Variants in AP2A1 observed in about 807,000 individuals in gnomAD.
AP2A1 encodes adaptor related protein complex 2 subunit alpha 1, also known as AP-2 complex subunit alpha-1.
A neutral mutation model predicts 107.3 loss-of-function variants in AP2A1; 21 were observed. That is an observed-to-expected ratio of 0.20 (90% CI 0.14 to 0.28). The LOEUF is 0.28. AP2A1 is among the 10% of genes least tolerant of loss of function. The pLI is 1.00. For missense variants in AP2A1, 873 were observed against 1,307.7 expected, an observed-to-expected ratio of 0.67 and a Z score of 5.13; for synonymous variants, 602 against 564.8, an observed-to-expected ratio of 1.07 and a Z score of -0.93.
At position 49,795,476 on chromosome 19, in the gene AP2A1, G is replaced by A. The variant is rs185595385; in HGVS notation, c.706-154G>A. Among the ~76,000 whole-genome samples, 122 of 152,220 alleles carry A rather than the reference G, an allele frequency of 8.0e-4. No homozygotes were observed. In the East Asian group the frequency reaches 0.016, roughly 20 times the overall value. The stretch of plus-strand genomic sequence containing the variant: ...GTTCGAGACCAGCCTGGGCAACATA[G>A]TGAGACCCTGTCTCTACAAAAAAAA... On this transcript the variant is annotated intron_variant, in intron 6 of 22. Coordinates refer to ENST00000354293, the MANE Select transcript of AP2A1 (RefSeq NM_130787.3).
At position 49,785,343 on chromosome 19, in the gene AP2A1, C is replaced by T. The variant is rs1463324105; in HGVS notation, c.473+2619C>T. The stretch of plus-strand genomic sequence containing the variant: ...GGCGGTCATGTGGTTATGAGAAGGG[C>T]ATGTTTCGGGAGTAGAGTCGATGGA... On this transcript the variant is annotated intron_variant, in intron 4 of 22. Coordinates refer to ENST00000354293, the MANE Select transcript of AP2A1 (RefSeq NM_130787.3). This position sits in a 1 kb window ranked among gnomAD's most constrained non-coding sequence, Gnocchi z 4.1. Among the ~76,000 whole-genome samples, 1 of 152,000 alleles carries T rather than the reference C, an allele frequency of 6.6e-6. No individual in the cohort carries two copies. The highest frequency in any genetic ancestry group is 1.5e-5 in the Non-Finnish European group (1 of 67,998).
Position 49,787,513 on chromosome 19 carries a change from A to AT in AP2A1, c.474-4406dup, listed in dbSNP as rs370766749. Among the ~76,000 whole-genome samples, 683 of 129,026 alleles carry AT rather than the reference A, an allele frequency of 5.3e-3. 5 individuals are homozygous for AT. The highest frequency in any genetic ancestry group is 0.016 in the African/African-American group (537 of 34,292). 84.6% of individuals were successfully genotyped at this position (129,026 alleles called of 152,430 possible). A position where few individuals can be genotyped will look rare whatever the true frequency, so the allele number is the denominator to read the frequency against. On this transcript the variant is annotated intron_variant, in intron 4 of 22. Coordinates refer to ENST00000354293, the MANE Select transcript of AP2A1 (RefSeq NM_130787.3). ...CAGGTGTGTGCCACCACACCTGGCT[A>AT]TTTTTTTTTTTTTTTTAGTAGAGAC...
chr19:49,795,495 A>T, intron 6 of AP2A1, 135 bp from the exon 7 acceptor site: 1 of 649,944 alleles, frequency 1.5e-6, no homozygotes, highest in South Asian at 1.8e-5. Context: ...TGTCTCTACA[A>T]AAAAAACCCA....
In AP2A1 at chr19:49,802,056, G is replaced by A; in HGVS notation, c.2029G>A (p.Gly677Arg). The change falls in exon 15 of 23, where the codon GGA (glycine) becomes AGA (arginine). Residue 677 changes from glycine to arginine, a missense_variant. Coordinates refer to ENST00000354293, the MANE Select transcript of AP2A1 (RefSeq NM_130787.3). ...CCCGGCAGCACCCCCGGCTTCTGCA[G>A]GAGCAGGGAACCTTCTGGTGGACGT... ...PPPAAPPASA[G>R]AGNLLVDVFD... 1.3e-6 allele frequency: 2 copies of A among 1,589,340 alleles called. No individual in the cohort carries two copies. Among genetic ancestry groups the A allele is most frequent in the Non-Finnish European group, 1.7e-6 (2 of 1,172,466 alleles).
In AP2A1 at chr19:49,797,897, A is replaced by G. The variant is rs150469562; in HGVS notation, c.815-905A>G. Among the ~76,000 whole-genome samples the G allele has an allele frequency of 4.8e-3, 690 of 145,024 alleles. 3 individuals carry two copies. The highest frequency in any genetic ancestry group is 0.017 in the African/African-American group (667 of 39,514). Reference sequence around the variant, plus strand: ...GGAGTTTGAGATCAGACTGGACAACATAGTTGCCCTGTTTCCAAAAAATAG... The same window carrying G: ...GGAGTTTGAGATCAGACTGGACAACGTAGTTGCCCTGTTTCCAAAAAATAG... On this transcript the variant is annotated intron_variant, in intron 7 of 22. Coordinates refer to ENST00000354293, the MANE Select transcript of AP2A1 (RefSeq NM_130787.3).
chr19:49,781,621 G>C, intron 1 of AP2A1, 136 bp from the exon 2 acceptor site: 1 of 885,034 alleles, frequency 1.1e-6, no homozygotes, highest in Non-Finnish European at 1.8e-6. Flanking sequence ...AAGGGGTCCT[G>C]GCCTGTCCTG....
At chr19:49,791,353 C>T (rs567440013) in intron 4 of AP2A1, among the ~76,000 whole-genome samples, 1 of 152,310 alleles carries the variant, frequency 6.6e-6, no homozygotes, top group East Asian at 1.9e-4. Context: ...CCTCACCCTC[C>T]CGAGTAGCTG....
At position 49,795,245 on chromosome 19, in the gene AP2A1, A is replaced by G. The variant is rs565644687; in HGVS notation, c.706-385A>G. On this transcript the variant is annotated intron_variant, in intron 6 of 22. Coordinates refer to ENST00000354293, the MANE Select transcript of AP2A1 (RefSeq NM_130787.3). The stretch of plus-strand genomic sequence containing the variant: ...CCAGCAGAGACCTTTCCTGCCCACC[A>G]CACACCAGCATTACTTGGAAAGATC... Among the ~76,000 whole-genome samples the G allele has an allele frequency of 2.6e-5, 4 of 152,300 alleles. No homozygotes were observed. The East Asian group carries it at 5.8e-4, about 22-fold the overall frequency.
chr19:49,773,937 G>A (rs983530049), intron 1 of AP2A1, among the ~76,000 whole-genome samples: 1 of 152,158 alleles, frequency 6.6e-6, no homozygotes, highest in African/African-American at 2.4e-5. Context: ...AGGAGAACCG[G>A]CCAGAGAGGG....
rs529348463 is a variant in AP2A1 at position 49,788,718 on chromosome 19, G to A, written c.474-3217G>A. Among the ~76,000 whole-genome samples the A allele has an allele frequency of 8.1e-4, 121 of 149,488 alleles. No homozygotes were observed. The highest frequency in any genetic ancestry group is 2.6e-3 in the African/African-American group (104 of 40,574). ...GGGCTCGGGAGATGCGCGCCGTGACGGAGATGGGAAAGTGGCCTGGAGTCA... is the reference window on the plus strand; with the variant it reads ...GGGCTCGGGAGATGCGCGCCGTGACAGAGATGGGAAAGTGGCCTGGAGTCA... On this transcript the variant is annotated intron_variant, in intron 4 of 22. Coordinates refer to ENST00000354293, the MANE Select transcript of AP2A1 (RefSeq NM_130787.3). The surrounding 1 kb of genome is among the most constrained non-coding windows in gnomAD (Gnocchi z 4.5).
intron 1 of AP2A1, among the ~76,000 whole-genome samples, chr19:49,770,997 G>A (rs1482405580): frequency 2.6e-5 from 4 of 151,958 alleles, no homozygotes; most frequent in African/African-American, 9.7e-5. Context: ...GATTACAGGC[G>A]TGTGCCACCA....
Position 49,806,112 on chromosome 19 carries a change from C to A in AP2A1, c.2656-7C>A. 1 of 1,565,712 alleles carries A rather than the reference C, an allele frequency of 6.4e-7. No individual in the cohort carries two copies. Among genetic ancestry groups the A allele is most frequent in the East Asian group, 2.4e-5 (1 of 41,836 alleles). ...GCACACTCTGACGGCGCCCCCCCTC[C>A]TCCCAGCTTCTGGGGTTTGGCTCTG... On this transcript the variant is annotated splice_polypyrimidine_tract_variant and splice_region_variant and intron_variant, in intron 21 of 22. Coordinates refer to ENST00000354293, the MANE Select transcript of AP2A1 (RefSeq NM_130787.3).
rs2073107767 is a variant in AP2A1 at position 49,788,895 on chromosome 19, C to T, written c.474-3040C>T. Among the ~76,000 whole-genome samples the T allele has an allele frequency of 6.6e-6, 1 of 152,196 alleles. No homozygotes were observed. The highest frequency in any genetic ancestry group is 2.4e-5 in the African/African-American group (1 of 41,460). ...GTAGGGTGAGCGTCTGGGGGCAGCACTGCTGGTCTTGGTCTGCTGCACACA... is the reference window on the plus strand; with the variant it reads ...GTAGGGTGAGCGTCTGGGGGCAGCATTGCTGGTCTTGGTCTGCTGCACACA... On this transcript the variant is annotated intron_variant, in intron 4 of 22. Coordinates refer to ENST00000354293, the MANE Select transcript of AP2A1 (RefSeq NM_130787.3). The surrounding 1 kb of genome is among the most constrained non-coding windows in gnomAD (Gnocchi z 4.5).
chr19:49,801,645 C>T (rs760076418), intron 13 of AP2A1, 24 bp downstream of exon 13: 2 of 1,546,698 alleles, frequency 1.3e-6, no homozygotes, highest in Admixed American at 1.9e-5. Flanking sequence ...CCCCCCACCC[C>T]ACCCCTCTTG....
Position 49,788,290 on chromosome 19 carries a change from G to A in AP2A1, c.474-3645G>A, listed in dbSNP as rs1191894658. 1.3e-5 allele frequency among the ~76,000 whole-genome samples: 2 copies of A among 152,196 alleles called. No individual in the cohort carries two copies. The highest frequency in any genetic ancestry group is 2.4e-5 in the African/African-American group (1 of 41,450). The stretch of plus-strand genomic sequence containing the variant: ...ATACTTGAATATGCAGCTTGATATT[G>A]TGTAGTTTAACATTTTCCTAAGTAG... On this transcript the variant is annotated intron_variant, in intron 4 of 22. Coordinates refer to ENST00000354293, the MANE Select transcript of AP2A1 (RefSeq NM_130787.3). This position sits in a 1 kb window ranked among gnomAD's most constrained non-coding sequence, Gnocchi z 4.5.
chr19:49,794,057 T>C (rs2073180906), intron 6 of AP2A1, among the ~76,000 whole-genome samples: 1 of 151,194 alleles, frequency 6.6e-6, no homozygotes, highest in Non-Finnish European at 1.5e-5. Flanking sequence ...CCTGCCACTA[T>C]GCCCGGCTAA....
intron 1 of AP2A1, among the ~76,000 whole-genome samples, chr19:49,768,798 C>G (rs577315288): frequency 7.9e-5 from 12 of 152,146 alleles, no homozygotes; most frequent in Non-Finnish European, 1.8e-4. Context: ...AGTTGTTTAA[C>G]CTCTTTCAGG....
chr19:49,806,991 G>A lies in AP2A1; in HGVS notation c.*233G>A. On this transcript the variant is annotated 3_prime_UTR_variant, in exon 23 of 23. Coordinates refer to ENST00000354293, the MANE Select transcript of AP2A1 (RefSeq NM_130787.3). ...TCCCTTTCCCCCCCAAGCACAGAGG[G>A]GAGAGGGGCCAGGGAAGTGGATGTC... 2 of 1,528,676 alleles carry A rather than the reference G, an allele frequency of 1.3e-6. No homozygotes were observed. Among genetic ancestry groups the A allele is most frequent in the African/African-American group, 1.4e-5 (1 of 72,750 alleles). 94.7% of individuals were successfully genotyped at this position (1,528,676 alleles called of 1,614,324 possible).
intron 15 of AP2A1, chr19:49,802,699 T>A: frequency 2.4e-6 from 3 of 1,235,120 alleles, no homozygotes; most frequent in Admixed American, 2.6e-5. Flanking sequence ...GGGTTCCTGA[T>A]GAGCAGCAGA....
Sources: gnomAD v4.1 joint callset for allele counts (sites outside exome capture counted in the v4.1 genomes callset) on GRCh38, gnomAD v4.1.1 for gene constraint, Gnocchi (gnomAD v3.1) non-coding constraint, MANE v1.5 for transcripts, NCBI Gene and HGNC (gene_info 2026-07-23, HGNC 2026-07-21) for gene names.